Variants in ASB15 observed in about 807,000 individuals in gnomAD.
The protein encoded by ASB15 is ankyrin repeat and SOCS box containing 15, also known as ankyrin repeat and SOCS box protein 15.
In ASB15, 54 loss-of-function variants were observed where a neutral mutation model predicts 58.0. The observed-to-expected ratio is 0.93, with a 90% confidence interval of 0.75 to 1.17. The LOEUF is 1.17. ASB15 is among the 50% of genes most tolerant of loss of function. ASB15 has a pLI of 0.00. For missense variants in ASB15, 680 were observed against 707.4 expected, an observed-to-expected ratio of 0.96 and a Z score of 0.44; for synonymous variants, 249 against 262.4, an observed-to-expected ratio of 0.95 and a Z score of 0.50.
Position 123,617,653 on chromosome 7 carries a change from C to T in ASB15, c.367C>T (p.Leu123=), listed in dbSNP as rs184731284. 1 of 1,610,860 alleles carries T rather than the reference C, an allele frequency of 6.2e-7. No individual in the cohort carries two copies. The highest frequency in any genetic ancestry group is 8.5e-7 in the Non-Finnish European group (1 of 1,177,038). The change falls in exon 7 of 12, where the codon CTG becomes TTG. Residue 123 remains leucine, a synonymous_variant. Coordinates refer to ENST00000451215, the MANE Select transcript of ASB15 (RefSeq NM_001290258.2). The stretch of plus-strand genomic sequence containing the variant: ...CTTGACTTTGGCAGTCAAAGCTGGT[C>T]TGGTGGAAAATGTAAGAACTTTATT... The part of the protein sequence containing the change: ...TPLTLAVKAG[L]VENVRTLLEK...
chr7:123,598,579 G>T (rs1164600239), upstream of ASB15, among the ~76,000 whole-genome samples: 1 of 152,138 alleles, frequency 6.6e-6, no homozygotes, highest in Non-Finnish European at 1.5e-5. Context: ...TTAAACTTTG[G>T]TTAAACAGAA....
intron 1 of ASB15, among the ~76,000 whole-genome samples, chr7:123,589,315 TATTATTATC>T (rs920148356): frequency 6.7e-6 from 1 of 149,978 alleles, no homozygotes; most frequent in Non-Finnish European, 1.5e-5. Flanking sequence ...TTATTATTAT[TATTATTATC>T]ATTATTATTA....
chr7:123,621,775 T>C (rs1185723549), intron 7 of ASB15, among the ~76,000 whole-genome samples: 2 of 152,138 alleles, frequency 1.3e-5, no homozygotes, highest in African/African-American at 2.4e-5. Context: ...GTGGTAGATA[T>C]CTGATTTGTG....
intron 6 of ASB15, among the ~76,000 whole-genome samples, chr7:123,616,910 T>C (rs1584783864): frequency 6.6e-6 from 1 of 152,342 alleles, no homozygotes; most frequent in East Asian, 1.9e-4. Context: ...CTGACAATAC[T>C]GGTCTTTACA....
rs1348130096 is a variant in ASB15 at position 123,604,231 on chromosome 7, T to C, written c.-64+19T>C. ...GAAAAAGGTAAGAGAAGTAGAAACATTATCTTCAGATAATGTTTTGAAGAG... is the reference window on the plus strand; with the variant it reads ...GAAAAAGGTAAGAGAAGTAGAAACACTATCTTCAGATAATGTTTTGAAGAG... On this transcript the variant is annotated intron_variant, in intron 2 of 11. Coordinates refer to ENST00000451215, the MANE Select transcript of ASB15 (RefSeq NM_001290258.2). 3.9e-5 allele frequency: 6 copies of C among 152,204 alleles called. No individual in the cohort carries two copies. The East Asian group carries it at 1.2e-3, about 29-fold the overall frequency. The allele number at this position is 152,204 out of a possible 1,614,324, so 9.4% of individuals were successfully genotyped here.
upstream of ASB15, among the ~76,000 whole-genome samples, chr7:123,599,532 A>C (rs1443213284): frequency 6.6e-6 from 1 of 152,242 alleles, no homozygotes; most frequent in Non-Finnish European, 1.5e-5. Flanking sequence ...ACCTGTGGGC[A>C]AAGTGAGGCT....
At chr7:123,580,205 C>T (rs927287609) in intron 1 of ASB15, among the ~76,000 whole-genome samples, 16 of 151,928 alleles carry the variant, frequency 1.1e-4, no homozygotes, top group East Asian at 1.9e-4. Context: ...AAGAACCCAG[C>T]GAAAGGATGC....
rs143262616 is a variant in ASB15, at chr7:123,618,418, A to G, written c.451+681A>G. On this transcript the variant is annotated intron_variant, in intron 7 of 11. Transcript: ENST00000451215. ...AGTAAGAATGTGGTGTTGGCACGTG[A>G]GATCACTGGGTTTAAATCTTAGCTG... Among the ~76,000 whole-genome samples, 74 of 152,342 alleles carry G rather than the reference A, an allele frequency of 4.9e-4. 1 individual carries two copies. The East Asian group carries it at 0.01, about 21-fold the overall frequency.
rs1413456721 is a variant in ASB15 at position 123,620,531 on chromosome 7, T to C, written c.451+2794T>C. Among the ~76,000 whole-genome samples the C allele has an allele frequency of 1.9e-4, 4 of 20,836 alleles. 1 individual carries two copies. Among genetic ancestry groups the C allele is most frequent in the South Asian group, 3.2e-3 (2 of 626 alleles). The allele number at this position is 20,836 out of a possible 152,430, so 13.7% of individuals were successfully genotyped here. On this transcript the variant is annotated intron_variant, in intron 7 of 11. Transcript: ENST00000451215. ...ACATATATATATATATATATATATA[T>C]ATATATATATATATATATATATATT... is the stretch of plus-strand genomic sequence containing the variant.
At chr7:123,600,566 C>T (rs575680941), upstream of ASB15, among the ~76,000 whole-genome samples, 11 of 152,138 alleles carry the variant, frequency 7.2e-5, no homozygotes, top group Admixed American at 2.0e-4. Context: ...AAGAATTCTT[C>T]ATTGAAAAAT....
At chr7:123,620,507 CATATATATATATATATATATAT>C (rs1395766241) in intron 7 of ASB15, among the ~76,000 whole-genome samples, 358 of 29,626 alleles carry the variant, frequency 0.012, 4 homozygotes, top group East Asian at 0.054. Flanking sequence ...CATATACATA[CATATATATATATATATATATAT>C]ATATATATAT....
intron 11 of ASB15, among the ~76,000 whole-genome samples, chr7:123,633,088 G>A (rs34793465): frequency 0.1 from 15,701 of 152,052 alleles, 976 homozygotes; most frequent in Admixed American, 0.18. Context: ...TCTTGCTGAC[G>A]TCCAAAGGAT....
At chr7:123,605,478 T>C (rs1025583446) in intron 2 of ASB15, among the ~76,000 whole-genome samples, 9 of 152,174 alleles carry the variant, frequency 5.9e-5, no homozygotes, top group Non-Finnish European at 1.0e-4. Context: ...TTCAATCCAG[T>C]AATCGCATTT....
At chr7:123,581,143 G>A (rs116972590) in intron 1 of ASB15, among the ~76,000 whole-genome samples, 2,856 of 151,870 alleles carry the variant, frequency 0.019, 52 homozygotes, top group Non-Finnish European at 0.024. Context: ...AGCTCTTTGC[G>A]GAGGAGGAGG....
chr7:123,607,054 C>A (rs1442839988), intron 2 of ASB15, among the ~76,000 whole-genome samples: 1 of 151,840 alleles, frequency 6.6e-6, no homozygotes, highest in African/African-American at 2.4e-5. Flanking sequence ...AGCTATACCC[C>A]CAAAAAAGAT....
Position 123,627,266 on chromosome 7 carries a change from A to G in ASB15, c.854A>G (p.Tyr285Cys). 6.2e-7 allele frequency: 1 copy of G among 1,612,966 alleles called. No individual in the cohort carries two copies. Among genetic ancestry groups the G allele is most frequent in the Non-Finnish European group, 8.5e-7 (1 of 1,179,062 alleles). The change falls in exon 9 of 12, where the codon TAT (tyrosine) becomes TGT (cysteine). Residue 285 changes from tyrosine (Y) to cysteine (C), a missense_variant. By Grantham distance (194) the Tyr-to-Cys change is radical (BLOSUM62 -2). Transcript: ENST00000451215. ...AGHLPIHRAA[Y>C]EGHYLALKYL... ...CATCTTCCTATACACCGAGCTGCCT[A>G]TGAGGGGCATTATCTGTGAGTGATA...
intron 11 of ASB15, 102 bp from the exon 12 acceptor site, chr7:123,636,706 GT>G: frequency 1.0e-6 from 1 of 999,938 alleles, no homozygotes; most frequent in Non-Finnish European, 1.5e-6. Flanking sequence ...GTGCATACAT[GT>G]TTTTGAGAAT....
intron 1 of ASB15, among the ~76,000 whole-genome samples, chr7:123,588,388 T>C (rs1431369351): frequency 6.6e-6 from 1 of 151,708 alleles, no homozygotes; most frequent in Non-Finnish European, 1.5e-5. Context: ...ATTCATTTCA[T>C]TTGAATCTTC....
At chr7:123,614,875 T>TA (rs1159785002) in intron 4 of ASB15, among the ~76,000 whole-genome samples, 1 of 152,232 alleles carries the variant, frequency 6.6e-6, no homozygotes, top group Non-Finnish European at 1.5e-5. Context: ...GCCTATTTTC[T>TA]AAATTAATAT....
Sources: allele counts gnomAD v4.1 joint callset (sites outside exome capture counted in the v4.1 genomes callset), GRCh38; gene constraint gnomAD v4.1.1; transcripts MANE v1.5; gene names NCBI Gene and HGNC (gene_info 2026-07-23, HGNC 2026-07-21).